PATJ: variants seen among roughly 807,000 people sequenced by gnomAD.
PATJ encodes the protein PATJ crumbs cell polarity complex component, also known as inaD-like protein.
PATJ carries 190 observed loss-of-function variants against 224.9 expected under a neutral mutation model. The ratio of observed to expected loss-of-function variants is 0.84; its 90% CI spans 0.75 to 0.95. The LOEUF (loss-of-function observed/expected upper bound fraction) is 0.95. Ranked by LOEUF, PATJ falls within the 40% of genes least tolerant of loss-of-function variation. The pLI is 0.00. For missense variants in PATJ, 2,121 were observed against 2,270.3 expected (o/e 0.93, Z 1.34); for synonymous variants, 769 against 820.3 (o/e 0.94, Z 1.07).
chr1:62,008,334 T>G (rs1049827298), intron 28 of PATJ, among the ~76,000 whole-genome samples: 2 of 152,188 alleles, frequency 1.3e-5, no homozygotes, highest in East Asian at 3.9e-4. Context: ...CCTAGATCTC[T>G]ACTACATTCC....
chr1:61,773,843 G>A (rs181173005), intron 6 of PATJ, among the ~76,000 whole-genome samples: 8 of 151,010 alleles, frequency 5.3e-5, no homozygotes, highest in Admixed American at 2.0e-4. Context: ...GATAATGGCC[G>A]GGCACTTTGG....
At chr1:61,925,495 T>C (rs1675060036) in intron 26 of PATJ, among the ~76,000 whole-genome samples, 1 of 152,064 alleles carries the variant, frequency 6.6e-6, no homozygotes, top group Admixed American at 6.5e-5. Context: ...ATCATAGAAC[T>C]GGAAATAAAA....
Position 61,787,855 on chromosome 1 carries a change from G to T in PATJ, c.951G>T (p.Gly317=). ...EQVAQVLRNC[G]NSVRMLVARD... ...TTGCACAAGTTCTAAGGAACTGTGG[G>T]AATTCAGTCAGGATGCTCGTTGCTA... The change falls in exon 8 of 44, where the codon GGG becomes GGT. Residue 317 remains glycine, a synonymous_variant. Transcript: ENST00000642238. The T allele has an allele frequency of 6.2e-7, 1 of 1,614,122 alleles. No homozygotes were observed. The highest frequency in any genetic ancestry group is 8.5e-7 in the Non-Finnish European group (1 of 1,179,984).
chr1:62,122,726 A>G (rs961184715), intron 38 of PATJ, among the ~76,000 whole-genome samples: 5 of 151,960 alleles, frequency 3.3e-5, no homozygotes, highest in African/African-American at 1.2e-4. Context: ...TTGGAGGCAG[A>G]GGCAGAAGAA....
Position 62,116,525 on chromosome 1 carries a change from T to G in PATJ, c.4656-7T>G. 1 of 1,613,874 alleles carries G rather than the reference T, an allele frequency of 6.2e-7. No homozygotes were observed. Among genetic ancestry groups the G allele is most frequent in the Non-Finnish European group, 8.5e-7 (1 of 1,179,902 alleles). Reference sequence around the variant, plus strand: ...GCCAATACTGCACTGCTGTATGGTATTAACAGAAATGGAAGCGGAGTGTTT... The same window carrying G: ...GCCAATACTGCACTGCTGTATGGTAGTAACAGAAATGGAAGCGGAGTGTTT... On this transcript the variant is annotated splice_region_variant and splice_polypyrimidine_tract_variant and intron_variant, in intron 35 of 43. Transcript: ENST00000642238.
At position 62,065,117 on chromosome 1, in the gene PATJ, G is replaced by A. The variant is rs182488544; in HGVS notation, c.4125+14059G>A. On this transcript the variant is annotated intron_variant, in intron 31 of 43. Coordinates refer to ENST00000642238, the MANE Select transcript of PATJ (RefSeq NM_001350145.3). ...GTACATGATAAATTTCCCTTTCTTG[G>A]TGATAAAAAAGGCTGTAGGTTTTAC... is the stretch of plus-strand genomic sequence containing the variant. Among the ~76,000 whole-genome samples the A allele has an allele frequency of 2.6e-5, 4 of 152,188 alleles. No individual in the cohort carries two copies. In the East Asian group the frequency reaches 7.7e-4, roughly 29 times the overall value.
In PATJ at chr1:61,927,836, G is replaced by A; in HGVS notation, c.3670+7G>A. 2 of 1,584,440 alleles carry A rather than the reference G, an allele frequency of 1.3e-6. No homozygotes were observed. The highest frequency in any genetic ancestry group is 1.1e-5 in the South Asian group (1 of 89,798). ...GAAGATGCCTTTACCGACCGTGAGT[G>A]CCTTTTCACTATTTAGGGTAGATGC... On this transcript the variant is annotated splice_region_variant and intron_variant, in intron 27 of 43. Transcript: ENST00000642238.
chr1:61,861,971 C>T (rs1424302064), intron 19 of PATJ, among the ~76,000 whole-genome samples: 1 of 152,080 alleles, frequency 6.6e-6, no homozygotes, highest in Non-Finnish European at 1.5e-5. Flanking sequence ...AAGTGATCCA[C>T]CCACCTCAGC....
chr1:61,871,475 A>ATATATACGCG, intron 20 of PATJ, among the ~76,000 whole-genome samples: 2 of 74,384 alleles, frequency 2.7e-5, no homozygotes, highest in Admixed American at 1.8e-4. Context: ...ATGTATATAC[A>ATATATACGCG]TATATATGTG....
intron 27 of PATJ, among the ~76,000 whole-genome samples, chr1:61,935,195 A>G (rs1489825418): frequency 3.9e-5 from 6 of 152,230 alleles, no homozygotes; most frequent in Non-Finnish European, 5.9e-5. Context: ...GAACCACATT[A>G]TAGACATGTC....
intron 20 of PATJ, among the ~76,000 whole-genome samples, chr1:61,869,747 C>G (rs1188227844): frequency 6.6e-6 from 1 of 152,194 alleles, no homozygotes; most frequent in Non-Finnish European, 1.5e-5. Flanking sequence ...AACTGGAGTA[C>G]ATGCCTGCTG....
chr1:61,870,107 T>C (rs960921158), intron 20 of PATJ, among the ~76,000 whole-genome samples: 3 of 152,024 alleles, frequency 2.0e-5, no homozygotes, highest in African/African-American at 4.8e-5. Flanking sequence ...GTATCCACAC[T>C]TGTGGCTCCT....
At chr1:61,979,133 A>G (rs1009323630) in intron 27 of PATJ, among the ~76,000 whole-genome samples, 3 of 152,080 alleles carry the variant, frequency 2.0e-5, no homozygotes, top group Non-Finnish European at 4.4e-5. Context: ...TTCTCTCTCC[A>G]ATTATTCTAG....
intron 33 of PATJ, among the ~76,000 whole-genome samples, chr1:62,106,054 A>AT (rs1187527389): frequency 1.9e-5 from 1 of 53,548 alleles, no homozygotes; most frequent in Non-Finnish European, 3.7e-5. Flanking sequence ...TTAAAAAAAA[A>AT]AAAAAAAAAA....
In PATJ at chr1:61,787,820, A is replaced by G; in HGVS notation, c.916A>G (p.Ser306Gly). The G allele has an allele frequency of 1.9e-6, 3 of 1,614,202 alleles. No homozygotes were observed. The highest frequency in any genetic ancestry group is 2.2e-5 in the South Asian group (2 of 91,090). Reference sequence around the variant, plus strand: ...TGGCACAAACGTGCAGGGAATGACCAGTGAGCAAGTTGCACAAGTTCTAAG... The same window carrying G: ...TGGCACAAACGTGCAGGGAATGACCGGTGAGCAAGTTGCACAAGTTCTAAG... ...IGGTNVQGMT[S>G]EQVAQVLRNC... The change falls in exon 8 of 44, where the codon AGT (serine) becomes GGT (glycine). Residue 306 changes from serine (S) to glycine (G), a missense_variant. Transcript: ENST00000642238.
chr1:61,811,751 A>T (rs2148652448), intron 14 of PATJ, among the ~76,000 whole-genome samples: 1 of 149,276 alleles, frequency 6.7e-6, no homozygotes. Context: ...TTCTCCAGCT[A>T]AATTCCCAAA....
At chr1:61,964,618 A>G (rs957718217) in intron 27 of PATJ, among the ~76,000 whole-genome samples, 18 of 151,744 alleles carry the variant, frequency 1.2e-4, no homozygotes, top group African/African-American at 4.1e-4. Flanking sequence ...GTGAAACCCC[A>G]TCTCTACCAA....
In PATJ at chr1:61,923,311, C is replaced by CA. The variant is rs541703196; in HGVS notation, c.3571-4417dup. Among the ~76,000 whole-genome samples, 1,070 of 152,242 alleles carry CA rather than the reference C, an allele frequency of 7.0e-3. 4 individuals carry two copies. Among genetic ancestry groups the CA allele is most frequent in the Non-Finnish European group, 0.011 (721 of 68,018 alleles). ...AGCATTTTACTACATTCTGGAATGACAAGGCGCCTTCACCATAAGAGGCAT... is the reference window on the plus strand; with the variant it reads ...AGCATTTTACTACATTCTGGAATGACAAAGGCGCCTTCACCATAAGAGGCAT... On this transcript the variant is annotated intron_variant, in intron 26 of 43. Coordinates refer to ENST00000642238, the MANE Select transcript of PATJ (RefSeq NM_001350145.3).
chr1:61,892,800 T>C (rs1273308987), intron 22 of PATJ, among the ~76,000 whole-genome samples: 1 of 152,112 alleles, frequency 6.6e-6, no homozygotes, highest in Non-Finnish European at 1.5e-5. Flanking sequence ...TTACAATTGA[T>C]AATATTGATA....
Sources: gnomAD v4.1 joint callset for allele counts (sites outside exome capture counted in the v4.1 genomes callset) on GRCh38, gnomAD v4.1.1 for gene constraint, MANE v1.5 for transcripts, NCBI Gene and HGNC (gene_info 2026-07-23, HGNC 2026-07-21) for gene names.